The following SLC15A5 variants were observed in gnomAD, a reference collection of about 807,000 sequenced individuals.
SLC15A5 encodes Peptide/histidine transporter ENSP00000340402.
SLC15A5 carries 58 observed loss-of-function variants against 56.1 expected under a neutral mutation model. The observed-to-expected ratio is 1.03, with a 90% CI of 0.84 to 1.29. The LOEUF is 1.29. SLC15A5 is among the 50% of genes most tolerant of loss of function. SLC15A5 has a pLI of 0.00. For missense variants in SLC15A5, 681 were observed against 672.1 expected (o/e 1.01, Z -0.15); for synonymous variants, 264 against 250.5 (o/e 1.05, Z -0.51).
chr12:16,206,688 C>G (rs1864023002), intron 7 of SLC15A5, among the ~76,000 whole-genome samples: 1 of 152,172 alleles, frequency 6.6e-6, no homozygotes, highest in Non-Finnish European at 1.5e-5. Flanking sequence ...CAGATCTGCA[C>G]ATGCTTGATA....
intron 6 of SLC15A5, among the ~76,000 whole-genome samples, chr12:16,220,194 A>G (rs1864171838): frequency 6.6e-6 from 1 of 152,106 alleles, no homozygotes; most frequent in African/African-American, 2.4e-5. Flanking sequence ...ATCTCCCTTA[A>G]CCCTAAAAAA....
chr12:16,244,703 T>C lies in SLC15A5; in HGVS notation c.852A>G (p.Leu284=), dbSNP rs1864444822. Residue 284 remains leucine, a synonymous_variant, in exon 4 of 9, where the codon TTA becomes TTG. Coordinates refer to ENST00000344941, the MANE Select transcript of SLC15A5 (RefSeq NM_001170798.1). ...CACCATTTTTTTCTTTGGCATGGTC[T>C]AACTGGCTTGTCACGTCTCTGCCAA... ...CHLGRDVTSQ[L]DHAKEKNGGC... is the part of the protein sequence containing the mutation. 3 of 1,537,532 alleles carry C rather than the reference T, an allele frequency of 2.0e-6. No individual in the cohort carries two copies. Among genetic ancestry groups the C allele is most frequent in the African/African-American group, 2.7e-5 (2 of 73,064 alleles).
intron 7 of SLC15A5, among the ~76,000 whole-genome samples, chr12:16,199,479 A>T (rs1211377827): frequency 2.0e-5 from 3 of 151,986 alleles, no homozygotes; most frequent in Non-Finnish European, 4.4e-5. Context: ...TTAATGCATA[A>T]TTACTGTTTA....
rs116530602 is a variant in SLC15A5, at chr12:16,208,514, T to A, written c.1483+8379A>T. 9.7e-3 allele frequency among the ~76,000 whole-genome samples: 1,474 copies of A among 152,052 alleles called. 30 individuals carry two copies. Among genetic ancestry groups the A allele is most frequent in the African/African-American group, 0.034 (1,403 of 41,494 alleles). On this transcript the variant is annotated intron_variant, in intron 7 of 8. Transcript: ENST00000344941. ...AGTGAGACCCACATCTCTAAAACAA[T>A]GCAAAAAAATTAGCCACGCGGTGGT...
At chr12:16,231,722 G>A (rs1186426445) in intron 5 of SLC15A5, among the ~76,000 whole-genome samples, 2 of 152,188 alleles carry the variant, frequency 1.3e-5, no homozygotes, top group Non-Finnish European at 2.9e-5. Context: ...AAATAGGTGT[G>A]ACTTTGGATT....
At chr12:16,221,367 G>T (rs1864186704) in intron 6 of SLC15A5, among the ~76,000 whole-genome samples, 1 of 152,152 alleles carries the variant, frequency 6.6e-6, no homozygotes, top group Non-Finnish European at 1.5e-5. Context: ...GCTCAAGGAA[G>T]CCCCTCCAAA....
At chr12:16,250,001 A>G (rs1227649119) in intron 3 of SLC15A5, among the ~76,000 whole-genome samples, 1 of 152,020 alleles carries the variant, frequency 6.6e-6, no homozygotes, top group Non-Finnish European at 1.5e-5. Context: ...TCCACAGGCC[A>G]CAGAGCTCTC....
chr12:16,238,313 A>G (rs1166228178), intron 5 of SLC15A5, among the ~76,000 whole-genome samples: 1 of 152,184 alleles, frequency 6.6e-6, no homozygotes, highest in Non-Finnish European at 1.5e-5. Flanking sequence ...AGATTCCGCC[A>G]TAGTCTCCTA....
At chr12:16,215,769 G>A (rs7980323) in intron 7 of SLC15A5, among the ~76,000 whole-genome samples, 3,031 of 152,252 alleles carry the variant, frequency 0.02, 107 homozygotes, top group African/African-American at 0.067. Context: ...CTTGTCAGTC[G>A]TCAGTCAAGG....
At chr12:16,226,540 A>G (rs1197551865) in intron 5 of SLC15A5, among the ~76,000 whole-genome samples, 3 of 152,182 alleles carry the variant, frequency 2.0e-5, no homozygotes, top group Non-Finnish European at 4.4e-5. Flanking sequence ...ATGTTTTTGA[A>G]ATAAACTTAA....
At chr12:16,195,010 T>A (rs1428707935) in intron 7 of SLC15A5, among the ~76,000 whole-genome samples, 1 of 152,056 alleles carries the variant, frequency 6.6e-6, no homozygotes, top group Non-Finnish European at 1.5e-5. Context: ...ACTTGCAATC[T>A]CTGGCTAACA....
intron 3 of SLC15A5, among the ~76,000 whole-genome samples, chr12:16,248,079 T>G (rs1429102525): frequency 6.6e-6 from 1 of 151,966 alleles, no homozygotes; most frequent in Non-Finnish European, 1.5e-5. Context: ...GATGTCTACT[T>G]TTTTCCCCCT....
At chr12:16,257,631 C>A in intron 3 of SLC15A5, 70 bp downstream of exon 3, 1 of 1,202,860 alleles carries the variant, frequency 8.3e-7, no homozygotes. Flanking sequence ...TATAAAGAAT[C>A]AAAGAGAAAG....
chr12:16,208,022 T>C (rs1864038225), intron 7 of SLC15A5, among the ~76,000 whole-genome samples: 1 of 152,178 alleles, frequency 6.6e-6, no homozygotes, highest in Non-Finnish European at 1.5e-5. Context: ...TTGTAATCCT[T>C]GCTCTTCCAA....
chr12:16,252,835 C>G, intron 3 of SLC15A5, among the ~76,000 whole-genome samples: 1 of 151,964 alleles, frequency 6.6e-6, no homozygotes, highest in African/African-American at 2.4e-5. Context: ...ATAGTGAAAA[C>G]AAACTTGAAA....
At position 16,205,658 on chromosome 12, in the gene SLC15A5, C is replaced by T. The variant is rs1474878311; in HGVS notation, c.1484-11205G>A. 4.0e-5 allele frequency among the ~76,000 whole-genome samples: 6 copies of T among 148,680 alleles called. No homozygotes were observed. In the East Asian group the frequency reaches 6.0e-4, roughly 15 times the overall value. On this transcript the variant is annotated intron_variant, in intron 7 of 8. Coordinates refer to ENST00000344941, the MANE Select transcript of SLC15A5 (RefSeq NM_001170798.1). Reference sequence around the variant, plus strand: ...ACACATATATACACATGTATATGCACCTTTCCTCACTTCAGCAATATGTCA... The same window carrying T: ...ACACATATATACACATGTATATGCATCTTTCCTCACTTCAGCAATATGTCA...
At chr12:16,267,733 C>CCT (rs1565675239) in intron 2 of SLC15A5, among the ~76,000 whole-genome samples, 2 of 27,516 alleles carry the variant, frequency 7.3e-5, no homozygotes, top group Non-Finnish European at 1.3e-4. Flanking sequence ...CACCCCCCAC[C>CCT]TTTTTTTTTT....
At chr12:16,213,280 T>C (rs977643489) in intron 7 of SLC15A5, among the ~76,000 whole-genome samples, 21 of 152,282 alleles carry the variant, frequency 1.4e-4, no homozygotes, top group African/African-American at 5.1e-4. Flanking sequence ...ACTATGCATA[T>C]TAATTGCTTA....
At chr12:16,268,296 G>A (rs1864715526) in intron 2 of SLC15A5, among the ~76,000 whole-genome samples, 1 of 48,528 alleles carries the variant, frequency 2.1e-5, no homozygotes, top group Non-Finnish European at 4.3e-5. Context: ...AGAATTGCTT[G>A]AACCCGGGAG....
Sources: gnomAD v4.1 joint callset for allele counts (sites outside exome capture counted in the v4.1 genomes callset) on GRCh38, gnomAD v4.1.1 for gene constraint, MANE v1.5 for transcripts, NCBI Gene and HGNC (gene_info 2026-07-23, HGNC 2026-07-21) for gene names.